ZDHHC14: variants seen among roughly 807,000 people sequenced by gnomAD.
ZDHHC14 encodes zDHHC palmitoyltransferase 14, also known as palmitoyltransferase ZDHHC14.
In ZDHHC14, 16 loss-of-function variants were observed where a neutral mutation model predicts 47.7. The ratio of observed to expected loss-of-function variants is 0.34; its 90% CI spans 0.23 to 0.51. The LOEUF is 0.51. Among genes scored for constraint, ZDHHC14 ranks in the 20% least tolerant of loss-of-function variants. ZDHHC14 has a pLI of 0.97. For synonymous variants in ZDHHC14, 293 were observed against 278.9 expected (o/e 1.05, Z -0.50); for missense variants, 515 against 662.5 (o/e 0.78, Z 2.44).
intron 1 of ZDHHC14, among the ~76,000 whole-genome samples, chr6:157,462,538 A>G (rs1363614339): frequency 6.6e-6 from 1 of 152,216 alleles, no homozygotes; most frequent in African/African-American, 2.4e-5. Flanking sequence ...TCTGCTGACA[A>G]ATGAAGATTC....
chr6:157,449,550 T>C (rs1429171125), intron 1 of ZDHHC14, among the ~76,000 whole-genome samples: 1 of 152,220 alleles, frequency 6.6e-6, no homozygotes, highest in African/African-American at 2.4e-5. Flanking sequence ...TCCTTTCCCC[T>C]TCCCCAGCTC....
rs34988240 is a variant in ZDHHC14 at position 157,511,547 on chromosome 6, C to CTTTTTTTTTTTTTTTTTTTTT, written c.246-31020_246-31019insTTTTTTTTTTTTTTTTTTTTT. On this transcript the variant is annotated intron_variant, in intron 1 of 8. Transcript: ENST00000359775. ...AGGCATGCGCCACGAAGCCCGGGTA[C>CTTTTTTTTTTTTTTTTTTTTT]TTTTTTTTTTTTTTTTTTGTATTTT... 8.6e-4 allele frequency among the ~76,000 whole-genome samples: 99 copies of CTTTTTTTTTTTTTTTTTTTTT among 114,864 alleles called. 1 individual carries two copies. Among genetic ancestry groups the CTTTTTTTTTTTTTTTTTTTTT allele is most frequent in the African/African-American group, 1.8e-3 (48 of 26,714 alleles). The allele number at this position is 114,864 out of a possible 152,430, so 75.4% of individuals were successfully genotyped here. A position where few individuals can be genotyped will look rare whatever the true frequency, so the allele number is the denominator to read the frequency against.
intron 1 of ZDHHC14, among the ~76,000 whole-genome samples, chr6:157,399,791 G>C (rs1002399783): frequency 6.6e-6 from 1 of 152,246 alleles, no homozygotes; most frequent in Non-Finnish European, 1.5e-5. Flanking sequence ...TGGCTGGGTG[G>C]CTCTGATCCT....
rs1778984120 is a variant in ZDHHC14, at chr6:157,677,250, A to AC, written c.*4128_*4129insC. ...CCAAGGTACCTCATTTAAAAAAAAA[A>AC]AAAAAAAAAAACTGCCTCTCATTTG... On this transcript the variant is annotated 3_prime_UTR_variant, in exon 9 of 9. Transcript: ENST00000359775. The AC allele has an allele frequency of 6.6e-6, 1 of 151,816 alleles. No homozygotes were observed. Among genetic ancestry groups the AC allele is most frequent in the African/African-American group, 2.4e-5 (1 of 41,430 alleles). 9.4% of individuals were successfully genotyped at this position (151,816 alleles called of 1,614,324 possible).
At chr6:157,652,894 G>A (rs621936) in intron 7 of ZDHHC14, among the ~76,000 whole-genome samples, 54,197 of 152,008 alleles carry the variant, frequency 0.36, 9,798 homozygotes, top group Non-Finnish European at 0.39. Flanking sequence ...GCGATGTATG[G>A]GGCTGAGAAT....
Position 157,390,410 on chromosome 6 carries a change from AG to A in ZDHHC14, c.245+8145del, listed in dbSNP as rs1270227402. On this transcript the variant is annotated intron_variant, in intron 1 of 8. Coordinates refer to ENST00000359775, the MANE Select transcript of ZDHHC14 (RefSeq NM_024630.3). Reference sequence around the variant, plus strand: ...CATTTATCCCGCTTGGGGTTTGCCGAGCTTCTTGGATCTGTGGATTGATATC... The same window carrying A: ...CATTTATCCCGCTTGGGGTTTGCCGACTTCTTGGATCTGTGGATTGATATC... 7.2e-5 allele frequency among the ~76,000 whole-genome samples: 11 copies of A among 152,168 alleles called. No individual in the cohort carries two copies. In the South Asian group the frequency reaches 2.3e-3, roughly 32 times the overall value.
intron 1 of ZDHHC14, among the ~76,000 whole-genome samples, chr6:157,422,203 G>A (rs1276119761): frequency 1.3e-5 from 2 of 152,146 alleles, no homozygotes; most frequent in Non-Finnish European, 2.9e-5. Flanking sequence ...TATTAATCAA[G>A]GGATAACAGT....
intron 1 of ZDHHC14, among the ~76,000 whole-genome samples, chr6:157,525,399 C>G (rs1781120606): frequency 6.6e-6 from 1 of 152,078 alleles, no homozygotes; most frequent in Non-Finnish European, 1.5e-5. Flanking sequence ...CTCCTGGGCT[C>G]CAGTGATCCC....
At chr6:157,660,033 C>A (rs1040642944) in intron 8 of ZDHHC14, among the ~76,000 whole-genome samples, 1 of 152,160 alleles carries the variant, frequency 6.6e-6, no homozygotes, top group Non-Finnish European at 1.5e-5. Context: ...TTGATACTAT[C>A]ATTGCAAGAG....
At chr6:157,555,271 A>C (rs1782411873) in intron 2 of ZDHHC14, among the ~76,000 whole-genome samples, 1 of 152,188 alleles carries the variant, frequency 6.6e-6, no homozygotes, top group African/African-American at 2.4e-5. Context: ...TGTTCCTAGA[A>C]AGGAACACAG....
chr6:157,543,687 C>T (rs889473563), intron 2 of ZDHHC14, among the ~76,000 whole-genome samples: 6 of 152,220 alleles, frequency 3.9e-5, no homozygotes, highest in African/African-American at 1.4e-4. Flanking sequence ...CTTTGTCCTT[C>T]TCTCGACATC....
At chr6:157,431,130 C>T (rs894244317) in intron 1 of ZDHHC14, among the ~76,000 whole-genome samples, 1 of 152,232 alleles carries the variant, frequency 6.6e-6, no homozygotes, top group Non-Finnish European at 1.5e-5. Context: ...TAAGCCAGCA[C>T]TTACATCAGG....
intron 2 of ZDHHC14, among the ~76,000 whole-genome samples, chr6:157,548,006 C>G (rs1782051939): frequency 6.6e-6 from 1 of 151,642 alleles, no homozygotes; most frequent in East Asian, 1.9e-4. Context: ...GAGTAGTCTA[C>G]TGGCTGTGGT....
chr6:157,429,839 T>C (rs888749377), intron 1 of ZDHHC14, among the ~76,000 whole-genome samples: 7 of 152,048 alleles, frequency 4.6e-5, no homozygotes, highest in African/African-American at 7.3e-5. Context: ...TCCCATATGA[T>C]GGCAAGAGAC....
intron 3 of ZDHHC14, among the ~76,000 whole-genome samples, chr6:157,619,843 C>A (rs1196568505): frequency 6.6e-6 from 1 of 152,114 alleles, no homozygotes; most frequent in Non-Finnish European, 1.5e-5. Flanking sequence ...TAGATTTTCC[C>A]GCTCAAAGGC....
At position 157,653,602 on chromosome 6, in the gene ZDHHC14, G is replaced by A; in HGVS notation, c.1043G>A (p.Gly348Glu). ...AAPSNGITMYGATQSQSDMCD... is the reference protein window; with the variant it reads ...AAPSNGITMYEATQSQSDMCD... Reference sequence around the variant, plus strand: ...CCCTCCAATGGCATCACCATGTACGGGGCCACGCAGTCACAGAGTGACATG... The same window carrying A: ...CCCTCCAATGGCATCACCATGTACGAGGCCACGCAGTCACAGAGTGACATG... The change falls in exon 8 of 9, where the codon GGG becomes GAG. Residue 348 changes from glycine to glutamate, a missense_variant. Gly to Glu is a moderately conservative substitution (Grantham distance 98). This residue lies in a region of ZDHHC14 where 221 missense variants were observed against 233.6 expected (regional missense o/e 0.95). Transcript: ENST00000359775. 1.9e-6 allele frequency: 3 copies of A among 1,613,788 alleles called. No individual in the cohort carries two copies. Among genetic ancestry groups the A allele is most frequent in the South Asian group, 2.2e-5 (2 of 91,082 alleles).
At chr6:157,393,032 A>G (rs1337369977) in intron 1 of ZDHHC14, among the ~76,000 whole-genome samples, 2 of 152,028 alleles carry the variant, frequency 1.3e-5, no homozygotes, top group African/African-American at 2.4e-5. Flanking sequence ...GGCGTGCACC[A>G]TCACACCCAG....
intron 1 of ZDHHC14, among the ~76,000 whole-genome samples, chr6:157,393,866 CT>C (rs1426880659): frequency 6.6e-6 from 1 of 152,150 alleles, no homozygotes; most frequent in Non-Finnish European, 1.5e-5. Flanking sequence ...CCTGTCTTAA[CT>C]TTCCTAAGCA....
At chr6:157,497,446 G>C (rs1429090693) in intron 1 of ZDHHC14, among the ~76,000 whole-genome samples, 1 of 152,200 alleles carries the variant, frequency 6.6e-6, no homozygotes, top group African/African-American at 2.4e-5. Context: ...AGTGGTAATA[G>C]TTTGCAATGA....
Sources: allele counts gnomAD v4.1 joint callset (sites outside exome capture counted in the v4.1 genomes callset), GRCh38; gene constraint gnomAD v4.1.1; regional missense constraint gnomAD v4.1.1; transcripts MANE v1.5; gene names NCBI Gene and HGNC (gene_info 2026-07-23, HGNC 2026-07-21).